The following COL12A1 variants were observed in gnomAD, a reference collection of about 807,000 sequenced individuals.
COL12A1 encodes collagen type XII alpha 1 chain.
In COL12A1, 114 loss-of-function variants were observed where a neutral mutation model predicts 349.7. The ratio of observed to expected loss-of-function variants is 0.33; its 90% CI spans 0.28 to 0.38. The LOEUF (loss-of-function observed/expected upper bound fraction) is 0.38. Among genes scored for constraint, COL12A1 ranks in the 10% least tolerant of loss-of-function variants. The pLI, the probability that COL12A1 is intolerant of heterozygous loss-of-function variation, is 1.00. For missense variants in COL12A1, 3,284 were observed against 3,756.9 expected (o/e 0.87, Z 3.29); for synonymous variants, 1,369 against 1,329.0 (o/e 1.03, Z -0.66).
intron 14 of COL12A1, among the ~76,000 whole-genome samples, chr6:75,161,070 G>GGC (rs1768003994): frequency 6.6e-6 from 1 of 151,906 alleles, no homozygotes; most frequent in Admixed American, 6.6e-5. Flanking sequence ...CCCCATCCTA[G>GGC]GCACACACAC....
intron 7 of COL12A1, 124 bp downstream of exon 7, chr6:75,189,093 C>G: frequency 1.9e-6 from 2 of 1,046,206 alleles, no homozygotes; most frequent in Non-Finnish European, 2.7e-6. Context: ...TAATATTACA[C>G]TATAAAAATG....
At chr6:75,106,391 T>A (rs1238589220) in intron 53 of COL12A1, 28 bp downstream of exon 53, 1 of 1,582,486 alleles carries the variant, frequency 6.3e-7, no homozygotes, top group African/African-American at 1.3e-5. Context: ...GTTAAAGCCA[T>A]GGCAGAATTC....
chr6:75,100,974 A>G (rs1166863554), intron 58 of COL12A1, among the ~76,000 whole-genome samples: 1 of 152,178 alleles, frequency 6.6e-6, no homozygotes, highest in African/African-American at 2.4e-5. Flanking sequence ...AATATTTCAC[A>G]TTATTGATGA....
Position 75,183,102 on chromosome 6 carries a change from T to C in COL12A1, c.1839A>G (p.Thr613=), listed in dbSNP as rs940300971. The part of the protein sequence containing the change: ...DAFQRISFEL[T]QSICLRIEQE... Reference sequence around the variant, plus strand: ...GCTCAATTCTAAGGCAGATAGACTGTGTGAGTTCAAAAGATATCCTCTGAA... The same window carrying C: ...GCTCAATTCTAAGGCAGATAGACTGCGTGAGTTCAAAAGATATCCTCTGAA... Residue 613 remains threonine, a synonymous_variant, in exon 10 of 66, where the codon ACA becomes ACG. Coordinates refer to ENST00000322507, the MANE Select transcript of COL12A1 (RefSeq NM_004370.6). The C allele has an allele frequency of 1.9e-6, 3 of 1,614,044 alleles. No individual in the cohort carries two copies. Among genetic ancestry groups the C allele is most frequent in the African/African-American group, 2.7e-5 (2 of 74,948 alleles).
chr6:75,179,458 T>A (rs1303035900), intron 11 of COL12A1, among the ~76,000 whole-genome samples: 2 of 151,322 alleles, frequency 1.3e-5, no homozygotes, highest in African/African-American at 4.9e-5. Context: ...CTCCCTTATA[T>A]GACCACAAGT....
intron 58 of COL12A1, among the ~76,000 whole-genome samples, chr6:75,100,586 C>T (rs1397326256): frequency 1.3e-5 from 2 of 152,096 alleles, no homozygotes; most frequent in African/African-American, 2.4e-5. Flanking sequence ...TTCTCTTTGA[C>T]CTCTCTCTTT....
chr6:75,103,058 A>C (rs964867305), intron 55 of COL12A1, among the ~76,000 whole-genome samples: 2 of 152,160 alleles, frequency 1.3e-5, no homozygotes, highest in African/African-American at 4.8e-5. Flanking sequence ...CTTAGACTTC[A>C]GCTTATTTCT....
intron 27 of COL12A1, among the ~76,000 whole-genome samples, chr6:75,140,515 G>T (rs1392856819): frequency 6.6e-6 from 1 of 151,930 alleles, no homozygotes; most frequent in Non-Finnish European, 1.5e-5. Flanking sequence ...AATTAGCCGG[G>T]CATTGTGGTC....
At chr6:75,172,141 G>C (rs1478683320) in intron 13 of COL12A1, among the ~76,000 whole-genome samples, 1 of 152,194 alleles carries the variant, frequency 6.6e-6, no homozygotes, top group African/African-American at 2.4e-5. Context: ...ACGTGCGTGT[G>C]TGTATACTCA....
At chr6:75,111,842 T>C (rs1768856106) in intron 51 of COL12A1, among the ~76,000 whole-genome samples, 1 of 151,692 alleles carries the variant, frequency 6.6e-6, no homozygotes, top group African/African-American at 2.4e-5. Context: ...ATCACTAATA[T>C]GTACATTGAA....
intron 31 of COL12A1, among the ~76,000 whole-genome samples, chr6:75,135,142 A>G (rs1488432467): frequency 6.8e-6 from 1 of 147,290 alleles, no homozygotes; most frequent in Non-Finnish European, 1.5e-5. Flanking sequence ...ATTTCACAGA[A>G]CTCTTCAAAA....
At chr6:75,166,033 TTCA>T (rs1289393747) in intron 13 of COL12A1, among the ~76,000 whole-genome samples, 4 of 152,138 alleles carry the variant, frequency 2.6e-5, no homozygotes, top group Non-Finnish European at 5.9e-5. Context: ...AATCTTGTCC[TTCA>T]GGACAAGATT....
At chr6:75,159,247 A>T (rs1438220106) in intron 14 of COL12A1, among the ~76,000 whole-genome samples, 2 of 151,240 alleles carry the variant, frequency 1.3e-5, no homozygotes, top group Non-Finnish European at 3.0e-5. Context: ...TATAATTTCA[A>T]TCAAAATTAT....
At chr6:75,197,193 C>T (rs1770270718) in intron 2 of COL12A1, among the ~76,000 whole-genome samples, 1 of 152,056 alleles carries the variant, frequency 6.6e-6, no homozygotes, top group Admixed American at 6.5e-5. Context: ...GAAAAATGTA[C>T]TTTATTAATT....
intron 14 of COL12A1, among the ~76,000 whole-genome samples, chr6:75,157,071 GAT>G (rs1363361117): frequency 6.6e-6 from 1 of 152,138 alleles, no homozygotes; most frequent in Non-Finnish European, 1.5e-5. Flanking sequence ...GGGCTCTAAA[GAT>G]AAACTGGTAT....
chr6:75,198,212 C>T (rs2149487390), intron 2 of COL12A1, among the ~76,000 whole-genome samples: 1 of 152,256 alleles, frequency 6.6e-6, no homozygotes, highest in East Asian at 1.9e-4. Flanking sequence ...TTACTTTTAA[C>T]CCATTTATAC....
chr6:75,137,100 T>C (rs1766647359), intron 31 of COL12A1, among the ~76,000 whole-genome samples: 1 of 152,094 alleles, frequency 6.6e-6, no homozygotes, highest in Non-Finnish European at 1.5e-5. Flanking sequence ...GAGAGAGGAA[T>C]GGAAGGTCAA....
intron 58 of COL12A1, 127 bp downstream of exon 58, chr6:75,101,473 G>T (rs1241721165): frequency 1.2e-6 from 1 of 842,654 alleles, no homozygotes; most frequent in Non-Finnish European, 1.8e-6. Flanking sequence ...CATTAGCTTT[G>T]CAGCTTTGCA....
At position 75,085,160 on chromosome 6, in the gene COL12A1, A is replaced by G; in HGVS notation, c.*1387T>C. 1 of 455,988 alleles carries G rather than the reference A, an allele frequency of 2.2e-6. No individual in the cohort carries two copies. The highest frequency in any genetic ancestry group is 1.6e-5 in the South Asian group (1 of 64,142). 28.2% of individuals were successfully genotyped at this position (455,988 alleles called of 1,614,324 possible). ...AATGAGAATTTCAACACCTCCCCCA[A>G]GCCTCGCGGCGCGGCGCGTGATCTC... On this transcript the variant is annotated 3_prime_UTR_variant, in exon 66 of 66. Coordinates refer to ENST00000322507, the MANE Select transcript of COL12A1 (RefSeq NM_004370.6).
Sources: gnomAD v4.1 joint callset for allele counts (sites outside exome capture counted in the v4.1 genomes callset) on GRCh38, gnomAD v4.1.1 for gene constraint, MANE v1.5 for transcripts, NCBI Gene and HGNC (gene_info 2026-07-23, HGNC 2026-07-21) for gene names.